SSBP3: variants seen among roughly 807,000 people sequenced by gnomAD.
SSBP3 encodes single-stranded DNA-binding protein 3.
Under a neutral mutation model 69.6 loss-of-function variants are expected in SSBP3, and 5 were observed. The ratio of observed to expected loss-of-function variants is 0.07; its 90% CI spans 0.04 to 0.15. The LOEUF is 0.15. SSBP3 is among the 10% of genes least tolerant of loss of function. SSBP3 has a pLI of 1.00. For missense variants in SSBP3, 312 were observed against 534.0 expected, an observed-to-expected ratio of 0.58 and a Z score of 4.10; for synonymous variants, 196 against 193.4, an observed-to-expected ratio of 1.01 and a Z score of -0.11.
Position 54,393,390 on chromosome 1 carries a change from C to T in SSBP3, c.276+8471G>A, listed in dbSNP as rs1020018516. Reference sequence around the variant, plus strand: ...TGATGGTTCACGCTTCACAGGCACACACCTCTCACCCCAACGTCATTCTGC... The same window carrying T: ...TGATGGTTCACGCTTCACAGGCACATACCTCTCACCCCAACGTCATTCTGC... On this transcript the variant is annotated intron_variant, in intron 4 of 17. Transcript: ENST00000610401. 1.4e-4 allele frequency among the ~76,000 whole-genome samples: 21 copies of T among 152,196 alleles called. No individual in the cohort carries two copies. The South Asian group carries it at 1.5e-3, about 11-fold the overall frequency.
intron 4 of SSBP3, among the ~76,000 whole-genome samples, chr1:54,338,135 CT>C (rs1354447352): frequency 6.6e-6 from 1 of 152,262 alleles, no homozygotes; most frequent in Non-Finnish European, 1.5e-5. Context: ...TCTGCACTCA[CT>C]GCCTGCTCCA....
intron 5 of SSBP3, among the ~76,000 whole-genome samples, chr1:54,263,731 C>T (rs892477395): frequency 1.8e-4 from 28 of 152,342 alleles, no homozygotes; most frequent in African/African-American, 6.7e-4. Context: ...TGGACCCCTC[C>T]AGGCCAGGCC....
At chr1:54,398,720 C>A (rs1649071715) in intron 4 of SSBP3, among the ~76,000 whole-genome samples, 1 of 151,940 alleles carries the variant, frequency 6.6e-6, no homozygotes, top group South Asian at 2.1e-4. Flanking sequence ...CGTGACCCTC[C>A]TCCCGTGACC....
chr1:54,270,265 C>A (rs548906356), intron 5 of SSBP3, among the ~76,000 whole-genome samples: 2 of 152,282 alleles, frequency 1.3e-5, no homozygotes, highest in Admixed American at 6.5e-5. Context: ...CTCCCCAGGT[C>A]AGAGCTGGTC....
chr1:54,242,340 A>T, intron 10 of SSBP3, 128 bp from the exon 11 acceptor site: 1 of 1,069,236 alleles, frequency 9.4e-7, no homozygotes, highest in African/African-American at 1.6e-5. Flanking sequence ...CCTGCGGTTT[A>T]GAGCCTTCTG....
At chr1:54,225,621 C>A in exon 18 of SSBP3, 5 of 336,108 alleles carry the variant, frequency 1.5e-5, no homozygotes, top group East Asian at 1.5e-4. Context: ...TGATATCTCA[C>A]ATAATATGAT....
intron 4 of SSBP3, among the ~76,000 whole-genome samples, chr1:54,290,084 A>G (rs1192277132): frequency 6.6e-6 from 1 of 152,214 alleles, no homozygotes; most frequent in Non-Finnish European, 1.5e-5. Context: ...TCAAGCCCAG[A>G]TCTGCTAAAA....
At chr1:54,402,749 T>G (rs754319989) in intron 3 of SSBP3, among the ~76,000 whole-genome samples, 3 of 152,170 alleles carry the variant, frequency 2.0e-5, no homozygotes, top group Non-Finnish European at 4.4e-5. Flanking sequence ...CTAAAGATTT[T>G]GTATGGTCAC....
upstream of SSBP3, among the ~76,000 whole-genome samples, chr1:54,409,200 G>A (rs1233021660): frequency 2.0e-5 from 3 of 152,032 alleles, no homozygotes; most frequent in Non-Finnish European, 4.4e-5. Flanking sequence ...TCCTGCCTCA[G>A]TTCCCTTCTT....
At chr1:54,303,231 C>T (rs1280136248) in intron 4 of SSBP3, among the ~76,000 whole-genome samples, 4 of 152,168 alleles carry the variant, frequency 2.6e-5, no homozygotes, top group African/African-American at 9.7e-5. Flanking sequence ...GGGGGCGCCT[C>T]TGCCATGCAG....
intron 4 of SSBP3, among the ~76,000 whole-genome samples, chr1:54,310,080 A>G (rs1645972684): frequency 6.6e-6 from 1 of 152,080 alleles, no homozygotes; most frequent in South Asian, 2.1e-4. Context: ...GCTGTCTGTT[A>G]TTATCCCAGC....
chr1:54,265,338 ATGTGTGTGTGTG>A (rs1304330684), intron 5 of SSBP3, among the ~76,000 whole-genome samples: 1 of 151,724 alleles, frequency 6.6e-6, no homozygotes, highest in African/African-American at 2.4e-5. Flanking sequence ...TAGGGTGTGT[ATGTGTGTGTGTG>A]TTTACAGGCC....
intron 5 of SSBP3, among the ~76,000 whole-genome samples, chr1:54,263,559 C>T (rs1465309720): frequency 2.0e-5 from 3 of 152,232 alleles, no homozygotes; most frequent in Non-Finnish European, 4.4e-5. Flanking sequence ...TGTGGCCACT[C>T]GCCTGCCCTT....
At chr1:54,396,725 C>T (rs982992240) in intron 4 of SSBP3, among the ~76,000 whole-genome samples, 1 of 152,124 alleles carries the variant, frequency 6.6e-6, no homozygotes, top group African/African-American at 2.4e-5. Flanking sequence ...TGGCATTATG[C>T]GAAAGACTGG....
intron 4 of SSBP3, among the ~76,000 whole-genome samples, chr1:54,350,519 G>A (rs1646765036): frequency 6.6e-6 from 1 of 152,236 alleles, no homozygotes; most frequent in Non-Finnish European, 1.5e-5. Flanking sequence ...ACAGCCAAGA[G>A]AGATTTATAC....
intron 4 of SSBP3, among the ~76,000 whole-genome samples, chr1:54,312,660 C>A (rs528311320): frequency 6.6e-6 from 1 of 152,284 alleles, no homozygotes; most frequent in South Asian, 2.1e-4. Flanking sequence ...AGAGATGACC[C>A]CTCTCTGTAT....
At chr1:54,226,646 C>CTT (rs750488906) in exon 18 of SSBP3, 196 of 138,136 alleles carry the variant, frequency 1.4e-3, no homozygotes, top group African/African-American at 5.3e-3. Flanking sequence ...TCTGGTTTTC[C>CTT]TTTTTTTTTT....
At chr1:54,264,130 G>A (rs3766433) in intron 5 of SSBP3, among the ~76,000 whole-genome samples, 62,876 of 151,808 alleles carry the variant, frequency 0.41, 13,182 homozygotes, top group South Asian at 0.48. Flanking sequence ...GCAAAACTCC[G>A]TCTCTACAAA....
At chr1:54,328,609 T>C (rs1420418479) in intron 4 of SSBP3, among the ~76,000 whole-genome samples, 1 of 152,218 alleles carries the variant, frequency 6.6e-6, no homozygotes, top group Non-Finnish European at 1.5e-5. Flanking sequence ...AACAGTGTTT[T>C]GACATCTTCA....
Sources: allele counts gnomAD v4.1 joint callset (sites outside exome capture counted in the v4.1 genomes callset), GRCh38; gene constraint gnomAD v4.1.1; transcripts MANE v1.5; gene names NCBI Gene and HGNC (gene_info 2026-07-23, HGNC 2026-07-21).